The following RBM47 variants were observed in gnomAD, a reference collection of about 807,000 sequenced individuals.
RBM47 encodes the protein RNA binding motif protein 47.
A neutral mutation model predicts 47.1 loss-of-function variants in RBM47; 21 were observed. The ratio of observed to expected loss-of-function variants is 0.45; its 90% CI spans 0.32 to 0.64. The LOEUF (loss-of-function observed/expected upper bound fraction) is 0.64. Among genes scored for constraint, RBM47 ranks in the 30% least tolerant of loss-of-function variants. The pLI, the probability that RBM47 is intolerant of heterozygous loss-of-function variation, is 0.05. For synonymous variants in RBM47, 375 were observed against 361.7 expected (o/e 1.04, Z -0.42); for missense variants, 708 against 870.9 (o/e 0.81, Z 2.35).
intron 2 of RBM47, among the ~76,000 whole-genome samples, chr4:40,507,580 A>C (rs1390733947): frequency 1.3e-5 from 2 of 152,162 alleles, no homozygotes; most frequent in African/African-American, 2.4e-5. Context: ...TGAAGTCAGG[A>C]ATTCAAGACC....
At chr4:40,600,766 C>T in intron 1 of RBM47, among the ~76,000 whole-genome samples, 1 of 151,692 alleles carries the variant, frequency 6.6e-6, no homozygotes, top group East Asian at 1.9e-4. Flanking sequence ...GCGGGCTGAT[C>T]ACCTGAGGTC....
chr4:40,509,035 C>T (rs1312645293), intron 2 of RBM47, among the ~76,000 whole-genome samples: 1 of 151,980 alleles, frequency 6.6e-6, no homozygotes, highest in Non-Finnish European at 1.5e-5. Flanking sequence ...GTGGCGCGTG[C>T]CTGTAGCCCA....
intron 1 of RBM47, among the ~76,000 whole-genome samples, chr4:40,624,860 C>CT (rs1172791380): frequency 0.015 from 1,793 of 119,584 alleles, 22 homozygotes; most frequent in African/African-American, 0.03. Flanking sequence ...TTTTCTTTTT[C>CT]TTTTTTTTTT....
At chr4:40,551,408 C>T (rs922289077) in intron 1 of RBM47, among the ~76,000 whole-genome samples, 3 of 152,078 alleles carry the variant, frequency 2.0e-5, no homozygotes, top group Non-Finnish European at 2.9e-5. Flanking sequence ...CTGCAAACTC[C>T]GATTCTACCA....
intron 1 of RBM47, among the ~76,000 whole-genome samples, chr4:40,625,034 G>A (rs941093031): frequency 1.3e-5 from 2 of 152,000 alleles, no homozygotes; most frequent in Non-Finnish European, 2.9e-5. Flanking sequence ...ACTTTTAGTA[G>A]AGACAGGGTT....
chr4:40,498,297 T>A (rs1348663527), intron 2 of RBM47, among the ~76,000 whole-genome samples: 2 of 152,044 alleles, frequency 1.3e-5, no homozygotes, highest in African/African-American at 2.4e-5. Flanking sequence ...GATGCTTTTT[T>A]AAATTCCCTT....
chr4:40,468,165 T>C (rs926246238), intron 2 of RBM47, among the ~76,000 whole-genome samples: 2 of 152,162 alleles, frequency 1.3e-5, no homozygotes, highest in African/African-American at 4.8e-5. Context: ...TAGGCGCCTG[T>C]AATCCCAGCT....
At chr4:40,598,335 C>G (rs1734938559) in intron 1 of RBM47, among the ~76,000 whole-genome samples, 1 of 152,158 alleles carries the variant, frequency 6.6e-6, no homozygotes, top group Non-Finnish European at 1.5e-5. Flanking sequence ...CAACCTCCAC[C>G]TACCAGGCTC....
intron 2 of RBM47, among the ~76,000 whole-genome samples, chr4:40,500,316 C>T (rs565542335): frequency 6.6e-6 from 1 of 150,432 alleles, no homozygotes; most frequent in African/African-American, 2.5e-5. Flanking sequence ...TTCGTCCCCC[C>T]CCAAAAAAAA....
At chr4:40,469,078 G>T (rs1718468675) in intron 2 of RBM47, among the ~76,000 whole-genome samples, 1 of 152,202 alleles carries the variant, frequency 6.6e-6, no homozygotes, top group East Asian at 1.9e-4. Flanking sequence ...CAGGACTGTT[G>T]TGGAGAACAG....
chr4:40,534,138 AT>A (rs1164006301), intron 2 of RBM47, among the ~76,000 whole-genome samples: 5 of 145,662 alleles, frequency 3.4e-5, no homozygotes, highest in African/African-American at 5.1e-5. Context: ...TTTTTAATTT[AT>A]TTTTTTTTTA....
chr4:40,564,493 T>G (rs973162179), intron 1 of RBM47, among the ~76,000 whole-genome samples: 2 of 152,262 alleles, frequency 1.3e-5, no homozygotes, highest in African/African-American at 4.8e-5. Context: ...GAGGTCTTTA[T>G]GTTACAGCCA....
intron 3 of RBM47, among the ~76,000 whole-genome samples, chr4:40,445,434 T>C (rs1714391302): frequency 6.6e-6 from 1 of 152,220 alleles, no homozygotes; most frequent in African/African-American, 2.4e-5. Context: ...ATTAATAATT[T>C]CTTAAAATTC....
intron 3 of RBM47, among the ~76,000 whole-genome samples, chr4:40,439,996 C>A (rs1056026753): frequency 6.6e-6 from 1 of 152,166 alleles, no homozygotes; most frequent in Non-Finnish European, 1.5e-5. Flanking sequence ...TAAACAGCCA[C>A]GTATCACAGT....
chr4:40,510,399 A>G (rs1449467655), intron 2 of RBM47, among the ~76,000 whole-genome samples: 1 of 152,024 alleles, frequency 6.6e-6, no homozygotes, highest in Non-Finnish European at 1.5e-5. Flanking sequence ...TATCTGGTAC[A>G]TATTTTTGAA....
chr4:40,446,738 C>CAAAAAAA (rs34186378), intron 3 of RBM47, among the ~76,000 whole-genome samples: 1 of 76,312 alleles, frequency 1.3e-5, no homozygotes, highest in African/African-American at 6.0e-5. Context: ...GACCCAGTCT[C>CAAAAAAA]AAAAAAAAAA....
At chr4:40,459,243 C>T (rs1468829610) in intron 3 of RBM47, among the ~76,000 whole-genome samples, 7 of 152,200 alleles carry the variant, frequency 4.6e-5, no homozygotes, top group African/African-American at 1.2e-4. Flanking sequence ...GTGCCTGGCA[C>T]TGAATGAATG....
Position 40,438,833 on chromosome 4 carries a change from T to C in RBM47, c.61A>G (p.Lys21Glu). 1 of 1,558,630 alleles carries C rather than the reference T, an allele frequency of 6.4e-7. No individual in the cohort carries two copies. The highest frequency in any genetic ancestry group is 8.6e-7 in the Non-Finnish European group (1 of 1,157,540). ...GCGCCCGCCACGCCCTCGGGCACCT[T>C]GGCGGAGGACCCGGCGGCCGAGTCA... ...SSDSAAGSSAKVPEGVAGAPN... is the reference protein window; with the variant it reads ...SSDSAAGSSAEVPEGVAGAPN... Residue 21 changes from lysine to glutamate, a missense_variant, in exon 4 of 7, where the codon AAG becomes GAG. Physicochemically the swap from Lys to Glu is moderately conservative, Grantham distance 56. Coordinates refer to ENST00000295971, the MANE Select transcript of RBM47 (RefSeq NM_001098634.2).
chr4:40,581,957 C>T (rs2085068762), intron 1 of RBM47, among the ~76,000 whole-genome samples: 1 of 152,064 alleles, frequency 6.6e-6, no homozygotes, highest in Admixed American at 6.6e-5. Context: ...GCTTCCCCTC[C>T]TCTGCACCCA....
Sources: allele counts gnomAD v4.1 joint callset (sites outside exome capture counted in the v4.1 genomes callset), GRCh38; gene constraint gnomAD v4.1.1; transcripts MANE v1.5; gene names NCBI Gene and HGNC (gene_info 2026-07-23, HGNC 2026-07-21).